Variants in KHDRBS2 observed in about 807,000 individuals in gnomAD.
KHDRBS2 encodes KH domain-containing, RNA-binding, signal transduction-associated protein 2.
A neutral mutation model predicts 44.3 loss-of-function variants in KHDRBS2; 26 were observed. That is an observed-to-expected ratio of 0.59 (90% CI 0.43 to 0.81). The LOEUF (loss-of-function observed/expected upper bound fraction) is 0.81, where lower values mean the gene tolerates loss of function less well. KHDRBS2 is among the 40% of genes least tolerant of loss of function. KHDRBS2 has a pLI of 0.00. For synonymous variants in KHDRBS2, 194 were observed against 151.1 expected, an observed-to-expected ratio of 1.28 and a Z score of -2.08; for missense variants, 476 against 433.1, an observed-to-expected ratio of 1.10 and a Z score of -0.88.
At chr6:61,832,489 T>C (rs538886377) in intron 6 of KHDRBS2, among the ~76,000 whole-genome samples, 1 of 152,276 alleles carries the variant, frequency 6.6e-6, no homozygotes, top group African/African-American at 2.4e-5. Flanking sequence ...GAAATTTGAA[T>C]TCAGCTGCCA....
At chr6:62,123,582 CTT>C (rs1808226471) in intron 2 of KHDRBS2, among the ~76,000 whole-genome samples, 1 of 152,148 alleles carries the variant, frequency 6.6e-6, no homozygotes, top group Non-Finnish European at 1.5e-5. Context: ...TAGCCAGCCT[CTT>C]AATATCTTAG....
chr6:62,086,211 T>C (rs1257839693), intron 2 of KHDRBS2, among the ~76,000 whole-genome samples: 1 of 152,114 alleles, frequency 6.6e-6, no homozygotes, highest in Admixed American at 6.6e-5. Flanking sequence ...AATGGGACTT[T>C]GACAGGAATT....
At chr6:62,243,447 A>T (rs755277310) in intron 1 of KHDRBS2, among the ~76,000 whole-genome samples, 11 of 152,066 alleles carry the variant, frequency 7.2e-5, no homozygotes, top group Admixed American at 1.3e-4. Context: ...AATCAAAATG[A>T]TCACACTGCT....
chr6:62,274,663 A>C (rs1296557158), intron 1 of KHDRBS2, among the ~76,000 whole-genome samples: 1 of 152,030 alleles, frequency 6.6e-6, no homozygotes, highest in Non-Finnish European at 1.5e-5. Flanking sequence ...TATTTGTAGA[A>C]TCTCAACTAA....
chr6:62,056,103 A>G (rs13220154), intron 2 of KHDRBS2, among the ~76,000 whole-genome samples: 3 of 151,930 alleles, frequency 2.0e-5, no homozygotes, highest in Admixed American at 6.6e-5. Context: ...ATCTCTTCCC[A>G]CAGTTATATT....
chr6:62,223,538 T>G (rs994555621), intron 1 of KHDRBS2, among the ~76,000 whole-genome samples: 4 of 152,200 alleles, frequency 2.6e-5, no homozygotes, highest in African/African-American at 9.6e-5. Context: ...CAGCTTGAAT[T>G]TTTCCTCAGA....
rs185089120 is a variant in KHDRBS2, at chr6:62,127,014, C to T, written c.219+50171G>A. Among the ~76,000 whole-genome samples the T allele has an allele frequency of 1.1e-3, 175 of 152,252 alleles. 1 individual carries two copies. The highest frequency in any genetic ancestry group is 2.4e-3 in the Admixed American group (36 of 15,286). On this transcript the variant is annotated intron_variant, in intron 2 of 8. Transcript: ENST00000281156. ...CTGAATAAGTTATTAAATAATGCTGCACCATCTTTCACAATAAGGTAAGTA... is the reference window on the plus strand; with the variant it reads ...CTGAATAAGTTATTAAATAATGCTGTACCATCTTTCACAATAAGGTAAGTA...
intron 1 of KHDRBS2, among the ~76,000 whole-genome samples, chr6:62,206,256 A>AT (rs1389848330): frequency 1.3e-5 from 2 of 152,098 alleles, no homozygotes; most frequent in African/African-American, 4.8e-5. Flanking sequence ...CTGAGGTTTC[A>AT]TTTTTCAACC....
intron 5 of KHDRBS2, among the ~76,000 whole-genome samples, chr6:61,896,964 G>A (rs916400787): frequency 1.3e-5 from 2 of 151,826 alleles, no homozygotes; most frequent in African/African-American, 2.4e-5. Context: ...CTCCTTATTC[G>A]TTATCCTCCT....
intron 6 of KHDRBS2, among the ~76,000 whole-genome samples, chr6:61,863,696 T>C (rs988242910): frequency 9.9e-5 from 15 of 152,172 alleles, no homozygotes; most frequent in African/African-American, 3.6e-4. Flanking sequence ...AGTGTTTTAC[T>C]TCAGATTATG....
chr6:62,088,549 T>C (rs1054084368), intron 2 of KHDRBS2, among the ~76,000 whole-genome samples: 1 of 152,144 alleles, frequency 6.6e-6, no homozygotes, highest in Non-Finnish European at 1.5e-5. Context: ...ACAGCAAAGA[T>C]TGCTGCCTGT....
intron 4 of KHDRBS2, among the ~76,000 whole-genome samples, chr6:61,959,770 C>T (rs1485248713): frequency 1.3e-5 from 2 of 152,104 alleles, no homozygotes; most frequent in Admixed American, 6.6e-5. Context: ...AGTCTGCATT[C>T]ACTGGCAGCC....
chr6:62,100,622 C>A (rs746887443), intron 2 of KHDRBS2, among the ~76,000 whole-genome samples: 3 of 152,180 alleles, frequency 2.0e-5, no homozygotes, highest in Non-Finnish European at 2.9e-5. Flanking sequence ...AAGATCAAGT[C>A]AAGACCCTAA....
chr6:62,159,594 C>T (rs773797911), intron 2 of KHDRBS2, among the ~76,000 whole-genome samples: 3 of 152,096 alleles, frequency 2.0e-5, no homozygotes, highest in Non-Finnish European at 4.4e-5. Flanking sequence ...GGGGTTGGGA[C>T]ATCTACTCCT....
At chr6:61,563,620 T>C in the KHDRBS2 span, among the ~76,000 whole-genome samples, 2 of 152,102 alleles carry the variant, frequency 1.3e-5, no homozygotes, top group African/African-American at 4.8e-5. Flanking sequence ...CGATGGAATA[T>C]GGATTTATAG....
At chr6:62,195,055 G>T (rs1251145252) in intron 1 of KHDRBS2, among the ~76,000 whole-genome samples, 4 of 152,034 alleles carry the variant, frequency 2.6e-5, no homozygotes, top group Non-Finnish European at 5.9e-5. Flanking sequence ...TCTTTCAAAT[G>T]ATGAACATGG....
At chr6:61,911,250 T>C (rs897061938) in intron 4 of KHDRBS2, among the ~76,000 whole-genome samples, 1 of 152,210 alleles carries the variant, frequency 6.6e-6, no homozygotes, top group Non-Finnish European at 1.5e-5. Flanking sequence ...TAGATGTTTT[T>C]AAGTTCCTGA....
chr6:62,238,285 A>T (rs1398099881), intron 1 of KHDRBS2, among the ~76,000 whole-genome samples: 1 of 152,060 alleles, frequency 6.6e-6, no homozygotes, highest in African/African-American at 2.4e-5. Flanking sequence ...CTCCCACAAG[A>T]AGCCTGGGAA....
intron 1 of KHDRBS2, among the ~76,000 whole-genome samples, chr6:62,220,636 CAACATTAGA>C (rs1830750122): frequency 6.6e-6 from 1 of 151,430 alleles, no homozygotes. Context: ...TATTATCATT[CAACATTAGA>C]AATTACATAT....
Sources: allele counts gnomAD v4.1 joint callset (sites outside exome capture counted in the v4.1 genomes callset), GRCh38; gene constraint gnomAD v4.1.1; transcripts MANE v1.5; gene names NCBI Gene and HGNC (gene_info 2026-07-23, HGNC 2026-07-21).